FNBP1: variants seen among roughly 807,000 people sequenced by gnomAD.
FNBP1 encodes the protein formin-binding protein 1.
FNBP1 carries 26 observed loss-of-function variants against 90.6 expected under a neutral mutation model. That is an observed-to-expected ratio of 0.29 (90% CI 0.21 to 0.40). The LOEUF (loss-of-function observed/expected upper bound fraction) is 0.40. Ranked by LOEUF, FNBP1 falls within the 10% of genes least tolerant of loss-of-function variation. The pLI, the probability that FNBP1 is intolerant of heterozygous loss-of-function variation, is 1.00. For synonymous variants in FNBP1, 260 were observed against 265.2 expected (o/e 0.98, Z 0.19); for missense variants, 635 against 768.0 (o/e 0.83, Z 2.05).
At chr9:130,004,453 A>T (rs374614743) in intron 1 of FNBP1, among the ~76,000 whole-genome samples, 163 of 152,276 alleles carry the variant, frequency 1.1e-3, no homozygotes, top group African/African-American at 3.8e-3. Flanking sequence ...GAAGGGAATG[A>T]TCTCCTCCAC....
intron 7 of FNBP1, 101 bp downstream of exon 7, chr9:129,929,466 C>T (rs2042401752): frequency 1.2e-6 from 1 of 828,934 alleles, no homozygotes; most frequent in African/African-American, 1.8e-5. Flanking sequence ...TATAAAGACT[C>T]AGACTCAGAA....
At chr9:129,978,732 C>A in intron 3 of FNBP1, 120 bp from the exon 4 acceptor site, 1 of 892,538 alleles carries the variant, frequency 1.1e-6, no homozygotes, top group Non-Finnish European at 1.7e-6. Flanking sequence ...CCCATAGGAT[C>A]CTGAGTATTC....
chr9:130,005,118 C>T (rs2055479838), intron 1 of FNBP1, among the ~76,000 whole-genome samples: 1 of 148,030 alleles, frequency 6.8e-6, no homozygotes, highest in Non-Finnish European at 1.5e-5. Context: ...CACCTGTAAT[C>T]CCAGCTACTC....
rs1385720046 is a variant in FNBP1, at chr9:129,887,527, T to C, written c.*3012A>G. The C allele has an allele frequency of 1.4e-5, 3 of 208,100 alleles. No homozygotes were observed. The highest frequency in any genetic ancestry group is 2.9e-5 in the Non-Finnish European group (3 of 102,166). The allele number at this position is 208,100 out of a possible 1,614,324, so 12.9% of individuals were successfully genotyped here. ...AAACACTTAGCATGAACGTCACTTTTTGACGTCGTGTAAACTTTCTTCTGC... is the reference window on the plus strand; with the variant it reads ...AAACACTTAGCATGAACGTCACTTTCTGACGTCGTGTAAACTTTCTTCTGC... On this transcript the variant is annotated 3_prime_UTR_variant, in exon 17 of 17. Coordinates refer to ENST00000446176, the MANE Select transcript of FNBP1 (RefSeq NM_015033.3).
chr9:129,959,400 C>T lies in FNBP1; in HGVS notation c.346-847G>A, dbSNP rs141863980. On this transcript the variant is annotated intron_variant, in intron 4 of 16. Transcript: ENST00000446176. ...GGTCAGGAGTTCAAGACCAGCCTGG[C>T]CAATATGGTGAAACCCCATCTCTAC... 3.5e-3 allele frequency among the ~76,000 whole-genome samples: 525 copies of T among 151,762 alleles called. 5 individuals carry two copies. Among genetic ancestry groups the T allele is most frequent in the Non-Finnish European group, 6.2e-3 (422 of 67,980 alleles).
the FNBP1 span, among the ~76,000 whole-genome samples, chr9:130,049,414 C>T: frequency 3.3e-5 from 5 of 151,834 alleles, no homozygotes; most frequent in Admixed American, 2.6e-4. Flanking sequence ...AATGCTACTT[C>T]AAAGGTTATT....
intron 1 of FNBP1, among the ~76,000 whole-genome samples, chr9:130,006,824 C>G (rs1282746507): frequency 6.6e-6 from 1 of 152,066 alleles, no homozygotes; most frequent in Non-Finnish European, 1.5e-5. Flanking sequence ...TAGTTGCATT[C>G]TGAACACGAG....
At chr9:130,001,552 C>A (rs1195775902) in intron 1 of FNBP1, among the ~76,000 whole-genome samples, 3 of 152,068 alleles carry the variant, frequency 2.0e-5, no homozygotes, top group Admixed American at 6.6e-5. Flanking sequence ...AGGGACTGCA[C>A]TTTGAGAACC....
At chr9:130,011,247 T>A (rs12377627) in intron 1 of FNBP1, among the ~76,000 whole-genome samples, 3,102 of 40,184 alleles carry the variant, frequency 0.077, 127 homozygotes, top group East Asian at 0.12. Flanking sequence ...AAAAAAAATA[T>A]ATATATATAT....
At chr9:129,891,783 G>C (rs1458051311) in intron 16 of FNBP1, among the ~76,000 whole-genome samples, 1 of 152,044 alleles carries the variant, frequency 6.6e-6, no homozygotes, top group Non-Finnish European at 1.5e-5. Context: ...AAAGCATTGG[G>C]CTAGAAAATC....
chr9:129,929,480 A>ATT lies in FNBP1; in HGVS notation c.642+86_642+87insAA. ...ATATAAAGACTCAGACTCAGAATAC[A>ATT]AACCCAGCAATCACGATTCAGAAGT... On this transcript the variant is annotated intron_variant, in intron 7 of 16. Coordinates refer to ENST00000446176, the MANE Select transcript of FNBP1 (RefSeq NM_015033.3). The ATT allele has an allele frequency of 1.0e-5, 13 of 1,265,128 alleles. No individual in the cohort carries two copies. The South Asian group carries it at 1.5e-4, about 14-fold the overall frequency. The allele number at this position is 1,265,128 out of a possible 1,614,324, so 78.4% of individuals were successfully genotyped here.
chr9:129,948,356 C>CTTTTTTTTTGTTTTTTTTTTTTTTTTTT (rs2045648240), intron 6 of FNBP1, among the ~76,000 whole-genome samples: 1 of 64,430 alleles, frequency 1.6e-5, no homozygotes, highest in African/African-American at 7.0e-5. Context: ...ATTTTGGTGT[C>CTTTTTTTTTGTTTTTTTTTTTTTTTTTT]TTTTTTTTTT....
chr9:130,000,249 G>T (rs1266674004), intron 1 of FNBP1, among the ~76,000 whole-genome samples: 1 of 152,172 alleles, frequency 6.6e-6, no homozygotes, highest in Non-Finnish European at 1.5e-5. Flanking sequence ...CCAGCACTTC[G>T]GGAGGCAGAA....
chr9:129,932,257 AGAAAGAGAAAGT>A (rs796196370), intron 6 of FNBP1, among the ~76,000 whole-genome samples: 21 of 152,288 alleles, frequency 1.4e-4, no homozygotes, highest in African/African-American at 4.8e-4. Flanking sequence ...TGAAAGAGAA[AGAAAGAGAAAGT>A]GAAAGAGAGA....
intron 1 of FNBP1, among the ~76,000 whole-genome samples, chr9:130,001,271 G>C (rs116215364): frequency 0.011 from 1,550 of 145,010 alleles, 40 homozygotes; most frequent in African/African-American, 0.038. Flanking sequence ...GGCGGAGGTT[G>C]CAATGAGTCC....
At chr9:129,918,000 A>G (rs956669112) in intron 10 of FNBP1, among the ~76,000 whole-genome samples, 1 of 152,250 alleles carries the variant, frequency 6.6e-6, no homozygotes, top group African/African-American at 2.4e-5. Context: ...AACATTGCTA[A>G]TTCAAAGAAC....
chr9:129,905,276 G>A (rs984726667), intron 12 of FNBP1, among the ~76,000 whole-genome samples: 2 of 78,802 alleles, frequency 2.5e-5, no homozygotes, highest in African/African-American at 8.0e-5. Flanking sequence ...CTGTTGAATT[G>A]TGTGTGTGTG....
the FNBP1 span, among the ~76,000 whole-genome samples, chr9:130,050,821 TTTTG>T: frequency 3.4e-5 from 1 of 29,112 alleles, no homozygotes; most frequent in African/African-American, 5.2e-5. Context: ...TGTGTTTTTT[TTTTG>T]TTTTTTTGTT....
At chr9:130,024,183 G>A (rs1436151892) in intron 1 of FNBP1, among the ~76,000 whole-genome samples, 1 of 152,108 alleles carries the variant, frequency 6.6e-6, no homozygotes, top group Non-Finnish European at 1.5e-5. Context: ...GCTGAGGCAG[G>A]AGGATCACTT....
Sources: gnomAD v4.1 joint callset for allele counts (sites outside exome capture counted in the v4.1 genomes callset) on GRCh38, gnomAD v4.1.1 for gene constraint, MANE v1.5 for transcripts, NCBI Gene and HGNC (gene_info 2026-07-23, HGNC 2026-07-21) for gene names.